Variants in PIK3C2G observed in about 807,000 individuals in gnomAD.
The protein encoded by PIK3C2G is phosphatidylinositol-4-phosphate 3-kinase catalytic subunit type 2 gamma, also known as phosphatidylinositol 3-kinase C2 domain-containing subunit gamma.
In PIK3C2G, 168 loss-of-function variants were observed where a neutral mutation model predicts 181.1. That is an observed-to-expected ratio of 0.93 (90% confidence interval 0.82 to 1.05). The LOEUF is 1.05. Among genes scored for constraint, PIK3C2G ranks in the 50% least tolerant of loss-of-function variants. The pLI is 0.00. For missense variants in PIK3C2G, 1,869 were observed against 1,732.8 expected (o/e 1.08, Z -1.40); for synonymous variants, 573 against 592.2 (o/e 0.97, Z 0.47).
chr12:18,590,477 C>T (rs553147751), intron 29 of PIK3C2G, among the ~76,000 whole-genome samples: 2 of 151,946 alleles, frequency 1.3e-5, no homozygotes, highest in African/African-American at 4.8e-5. Flanking sequence ...CTGCATACAT[C>T]GTAGACTATG....
chr12:18,334,883 A>G (rs1288518640), intron 8 of PIK3C2G, among the ~76,000 whole-genome samples: 1 of 151,960 alleles, frequency 6.6e-6, no homozygotes, highest in Non-Finnish European at 1.5e-5. Flanking sequence ...ATGTATGTGT[A>G]TTTGGGGAGA....
Position 18,282,521 on chromosome 12 carries a change from C to T in PIK3C2G, c.440C>T (p.Ser147Leu). The T allele has an allele frequency of 6.2e-7, 1 of 1,610,552 alleles. No individual in the cohort carries two copies. The highest frequency in any genetic ancestry group is 8.5e-7 in the Non-Finnish European group (1 of 1,177,210). Reference protein sequence around the residue: ...DDSRFSILAPSFTSLDKINLE... With the variant: ...DDSRFSILAPLFTSLDKINLE... ...TCCAGATTCAGTATTTTAGCTCCATCATTCACAAGTTTGGATAAAATTAAT... is the reference window on the plus strand; with the variant it reads ...TCCAGATTCAGTATTTTAGCTCCATTATTCACAAGTTTGGATAAAATTAAT... Residue 147 changes from serine (S) to leucine (L), a missense_variant, in exon 2 of 33, where the codon TCA (serine) becomes TTA (leucine). Transcript: ENST00000538779.
At chr12:18,373,255 G>T (rs556800036) in intron 13 of PIK3C2G, among the ~76,000 whole-genome samples, 48 of 152,134 alleles carry the variant, frequency 3.2e-4, no homozygotes, top group Non-Finnish European at 5.9e-4. Context: ...TCCTTTCGGG[G>T]GTAATCCCTG....
At chr12:18,482,709 A>T (rs1939678563) in intron 18 of PIK3C2G, among the ~76,000 whole-genome samples, 1 of 152,152 alleles carries the variant, frequency 6.6e-6, no homozygotes, top group Non-Finnish European at 1.5e-5. Context: ...GCAGAAGTCT[A>T]AACTGGGGTA....
chr12:18,440,263 CA>C (rs756630631), intron 18 of PIK3C2G, among the ~76,000 whole-genome samples: 13 of 147,244 alleles, frequency 8.8e-5, no homozygotes, highest in South Asian at 2.1e-4. Context: ...GCTTGTTCAC[CA>C]AAAAAAAAAT....
chr12:18,470,517 G>A (rs993558319), intron 18 of PIK3C2G, among the ~76,000 whole-genome samples: 1 of 152,096 alleles, frequency 6.6e-6, no homozygotes, highest in African/African-American at 2.4e-5. Flanking sequence ...ATAGAAAGTT[G>A]TGCACTTTAA....
intron 18 of PIK3C2G, among the ~76,000 whole-genome samples, chr12:18,439,299 C>T (rs760798483): frequency 6.6e-6 from 1 of 151,920 alleles, no homozygotes; most frequent in Non-Finnish European, 1.5e-5. Context: ...AGTCACAGAT[C>T]GCCAGTTGAT....
rs775670304 is a variant in PIK3C2G at position 18,282,243 on chromosome 12, C to G, written c.162C>G (p.Tyr54Ter). Reference protein sequence around the residue: ...VDEISGKIPHYESEIDENTFF... With the variant: ...VDEISGKIPH ...AGATCAGTGGCAAAATTCCACACTACGAGAGTGAAATTGATGAAAACACCT... is the reference window on the plus strand; with the variant it reads ...AGATCAGTGGCAAAATTCCACACTAGGAGAGTGAAATTGATGAAAACACCT... The change falls in exon 2 of 33, where the codon TAC becomes TAG. Residue 54 changes from tyrosine to a stop codon, truncating the protein, a stop_gained. Coordinates refer to ENST00000538779, the MANE Select transcript of PIK3C2G (RefSeq NM_001288772.2). LOFTEE classifies it high-confidence loss of function. 2 of 1,613,532 alleles carry G rather than the reference C, an allele frequency of 1.2e-6. No individual in the cohort carries two copies. Among genetic ancestry groups the G allele is most frequent in the African/African-American group, 2.7e-5 (2 of 75,006 alleles).
chr12:18,487,201 TAA>T (rs1175517378), intron 18 of PIK3C2G, among the ~76,000 whole-genome samples: 2 of 148,120 alleles, frequency 1.4e-5, no homozygotes, highest in Non-Finnish European at 3.0e-5. Context: ...TTTGAGAAAA[TAA>T]AAGAGGTACT....
intron 31 of PIK3C2G, among the ~76,000 whole-genome samples, chr12:18,617,288 C>T (rs1162627056): frequency 2.0e-5 from 3 of 152,090 alleles, no homozygotes; most frequent in Non-Finnish European, 4.4e-5. Context: ...CAAATAAACA[C>T]GTGATACATT....
At chr12:18,307,553 A>G (rs893326469) in intron 5 of PIK3C2G, among the ~76,000 whole-genome samples, 1 of 151,912 alleles carries the variant, frequency 6.6e-6, no homozygotes, top group African/African-American at 2.4e-5. Flanking sequence ...TGTTATAAGC[A>G]TTGTAATTCC....
intron 32 of PIK3C2G, among the ~76,000 whole-genome samples, chr12:18,646,899 C>T (rs1329452554): frequency 6.6e-6 from 1 of 151,402 alleles, no homozygotes; most frequent in Non-Finnish European, 1.5e-5. Context: ...GACAGCTGAC[C>T]AGATTCCTTT....
chr12:18,291,096 T>TA, intron 4 of PIK3C2G, 84 bp downstream of exon 4: 1 of 723,402 alleles, frequency 1.4e-6, no homozygotes. Flanking sequence ...CTGAAGTTAT[T>TA]AAAAAATAAT....
At chr12:18,465,202 CTG>C (rs1304764956) in intron 18 of PIK3C2G, among the ~76,000 whole-genome samples, 1 of 151,936 alleles carries the variant, frequency 6.6e-6, no homozygotes, top group Non-Finnish European at 1.5e-5. Context: ...GAACTACACT[CTG>C]TGAAAACTTC....
At chr12:18,644,595 G>A (rs1950019022) in intron 32 of PIK3C2G, among the ~76,000 whole-genome samples, 1 of 152,058 alleles carries the variant, frequency 6.6e-6, no homozygotes, top group Non-Finnish European at 1.5e-5. Flanking sequence ...CAAGTATATG[G>A]CACACTCAGT....
chr12:18,532,930 T>A (rs1232858585), intron 24 of PIK3C2G, among the ~76,000 whole-genome samples: 2 of 151,740 alleles, frequency 1.3e-5, no homozygotes, highest in African/African-American at 4.9e-5. Context: ...AGGCTTTTCT[T>A]TGGGGCTTTT....
At chr12:18,579,970 T>G (rs1946412723) in intron 29 of PIK3C2G, among the ~76,000 whole-genome samples, 2 of 151,878 alleles carry the variant, frequency 1.3e-5, no homozygotes, top group South Asian at 4.2e-4. Context: ...CTGTGTCTAC[T>G]AAAAATACAA....
chr12:18,316,665 G>A (rs570542160), intron 6 of PIK3C2G, among the ~76,000 whole-genome samples: 12 of 152,088 alleles, frequency 7.9e-5, no homozygotes, highest in Non-Finnish European at 1.5e-4. Context: ...GAGAGGCAGC[G>A]GTTGCAGTGA....
At chr12:18,608,270 C>A (rs1041716108) in intron 30 of PIK3C2G, among the ~76,000 whole-genome samples, 110 of 152,004 alleles carry the variant, frequency 7.2e-4, no homozygotes, top group African/African-American at 2.5e-3. Context: ...ATGTTTATTG[C>A]GGCACTATTC....
Sources: allele counts gnomAD v4.1 joint callset (sites outside exome capture counted in the v4.1 genomes callset), GRCh38; gene constraint gnomAD v4.1.1; transcripts MANE v1.5; gene names NCBI Gene and HGNC (gene_info 2026-07-23, HGNC 2026-07-21).